NSDHL: variants seen among roughly 807,000 people sequenced by gnomAD.
NSDHL encodes the protein NAD(P) dependent 3-beta-hydroxysteroid dehydrogenase NSDHL, also known as sterol-4-alpha-carboxylate 3-dehydrogenase, decarboxylating.
A neutral mutation model predicts 23.0 loss-of-function variants in NSDHL; 1 was observed. The observed-to-expected ratio is 0.04, with a 90% confidence interval of 0.02 to 0.21. The LOEUF (loss-of-function observed/expected upper bound fraction) is 0.21, where lower values mean the gene tolerates loss of function less well. NSDHL is among the 10% of genes least tolerant of loss of function. The probability of loss-of-function intolerance (pLI) is 1.00; values close to 1 mark genes in which losing one functional copy is unlikely to be tolerated. For synonymous variants in NSDHL, 128 were observed against 121.1 expected (o/e 1.06, Z -0.37); for missense variants, 237 against 300.9 (o/e 0.79, Z 1.57).
At position 152,869,090 on chromosome X, in the gene NSDHL, T is replaced by C; in HGVS notation, c.1096T>C (p.Phe366Leu). ...TGCTATGGAGAGGACCGTGCAGAGC[T>C]TTCGCCACCTGCGGAGGGTCAAGTG... ...DDAMERTVQS[F>L]RHLRRVK Residue 366 changes from phenylalanine (F) to leucine (L), a missense_variant, in exon 8 of 8, where the codon TTT (phenylalanine) becomes CTT (leucine). By Grantham distance (22) the Phe-to-Leu change is conservative. Around this residue, in one of 3 missense-constraint regions of NSDHL, gnomAD observed 117 missense variants for 99.5 expected, o/e 1.18. Transcript: ENST00000370274. The C allele has an allele frequency of 8.3e-7, 1 of 1,211,243 alleles. No homozygotes were observed. Among genetic ancestry groups the C allele is most frequent in the South Asian group, 1.8e-5 (1 of 56,981 alleles).
chrX:152,852,224 G>A (rs781788267), intron 3 of NSDHL, among the ~76,000 whole-genome samples: 1 of 111,632 alleles, frequency 9.0e-6, no homozygotes, highest in South Asian at 3.8e-4. Flanking sequence ...AGGGCAAGGA[G>A]AGAGATGGGT....
chrX:152,853,674 C>T (rs983613909), intron 3 of NSDHL, among the ~76,000 whole-genome samples: 19 of 112,500 alleles, frequency 1.7e-4, no homozygotes, highest in African/African-American at 6.2e-4. Flanking sequence ...TCCTCCCACA[C>T]CCGCCTCATG....
Position 152,858,882 on chromosome X carries a change from A to G in NSDHL, c.380A>G (p.Asn127Ser), listed in dbSNP as rs1029912895. Reference protein sequence around the residue: ...FYRVNYIGTKNVIETCKEAGV... With the variant: ...FYRVNYIGTKSVIETCKEAGV... ...AGAGTGAATTACATTGGCACCAAGA[A>G]TGTCATTGAAACTTGCAAAGAGGCT... The change falls in exon 4 of 8, where the codon AAT becomes AGT. Residue 127 changes from asparagine (N) to serine (S), a missense_variant. Around this residue, in one of 3 missense-constraint regions of NSDHL, gnomAD observed 81 missense variants for 103.3 expected, o/e 0.78. Coordinates refer to ENST00000370274, the MANE Select transcript of NSDHL (RefSeq NM_015922.3). 8.3e-7 allele frequency: 1 copy of G among 1,208,265 alleles called. No homozygotes were observed. The highest frequency in any genetic ancestry group is 1.1e-6 in the Non-Finnish European group (1 of 892,325).
intron 5 of NSDHL, 100 bp from the exon 6 acceptor site, chrX:152,865,719 T>G: frequency 2.9e-6 from 3 of 1,037,373 alleles, no homozygotes; most frequent in Non-Finnish European, 4.0e-6. Context: ...GTGTCATCTG[T>G]CTGTCCCCCA....
At chrX:152,847,209 A>G (rs1324557675) in intron 2 of NSDHL, among the ~76,000 whole-genome samples, 1 of 112,036 alleles carries the variant, frequency 8.9e-6, no homozygotes, top group Non-Finnish European at 1.9e-5. Context: ...AGGCTGAGGC[A>G]GGAGAATCAC....
At chrX:152,852,811 C>G (rs966832224) in intron 3 of NSDHL, among the ~76,000 whole-genome samples, 15 of 110,714 alleles carry the variant, frequency 1.4e-4, no homozygotes, top group African/African-American at 4.6e-4. Context: ...CCTACCCAGT[C>G]ACTGCCACCA....
At chrX:152,860,638 C>A (rs1387795873) in intron 4 of NSDHL, among the ~76,000 whole-genome samples, 1 of 110,689 alleles carries the variant, frequency 9.0e-6, no homozygotes, top group Admixed American at 9.7e-5. Context: ...CGCTTGAGCC[C>A]AGGATTTTCA....
intron 1 of NSDHL, among the ~76,000 whole-genome samples, chrX:152,836,249 G>T (rs1374803904): frequency 8.9e-6 from 1 of 112,005 alleles, no homozygotes; most frequent in Non-Finnish European, 1.9e-5. Context: ...CCATCCTGTA[G>T]GTTGCCTGTT....
At chrX:152,862,864 T>C in intron 5 of NSDHL, 140 bp downstream of exon 5, 1 of 659,232 alleles carries the variant, frequency 1.5e-6, no homozygotes, top group Non-Finnish European at 2.4e-6. Context: ...AAATTAAATT[T>C]AAAAATACTG....
At chrX:152,866,712 C>G (rs1482691104) in intron 6 of NSDHL, among the ~76,000 whole-genome samples, 1 of 112,295 alleles carries the variant, frequency 8.9e-6, no homozygotes, top group East Asian at 2.8e-4. Context: ...CCAAATTTCC[C>G]TCTTATAAGG....
rs184194505 is a variant in NSDHL, at chrX:152,850,553, A to G, written c.267+130A>G. The G allele has an allele frequency of 9.2e-3, 5,785 of 630,264 alleles. 24 individuals carry two copies. The highest frequency in any genetic ancestry group is 0.012 in the Non-Finnish European group (4,663 of 376,360). 51.9% of individuals were successfully genotyped at this position (630,264 alleles called of 1,213,427 possible). Reference sequence around the variant, plus strand: ...TCATTGTGAAAATTTTCAAAGTTATAGGAAAGAACACCACATTCTTACTGC... The same window carrying G: ...TCATTGTGAAAATTTTCAAAGTTATGGGAAAGAACACCACATTCTTACTGC... On this transcript the variant is annotated intron_variant, in intron 3 of 7. Transcript: ENST00000370274.
chrX:152,846,647 C>T (rs1379824979), intron 2 of NSDHL, among the ~76,000 whole-genome samples: 2 of 112,539 alleles, frequency 1.8e-5, no homozygotes, highest in Non-Finnish European at 3.7e-5. Context: ...ACTGTGGTTT[C>T]GGCTGAGCCC....
At chrX:152,840,619 G>C (rs1556844744) in intron 1 of NSDHL, among the ~76,000 whole-genome samples, 1 of 112,159 alleles carries the variant, frequency 8.9e-6, no homozygotes, top group African/African-American at 3.2e-5. Context: ...TGTTTCCCTG[G>C]GTATCACCAA....
At position 152,868,900 on chromosome X, in the gene NSDHL, C is replaced by T. The variant is rs587784226; in HGVS notation, c.906C>T (p.Tyr302=). The T allele has an allele frequency of 3.3e-6, 4 of 1,210,343 alleles. No homozygotes were observed. The highest frequency in any genetic ancestry group is 2.2e-5 in the Admixed American group (1 of 45,882). The change falls in exon 8 of 8, where the codon TAC becomes TAT. Residue 302 remains tyrosine, a synonymous_variant. Coordinates refer to ENST00000370274, the MANE Select transcript of NSDHL (RefSeq NM_015922.3). Reference sequence around the variant, plus strand: ...ACATCCCCTACTGGGTGGCCTACTACCTGGCCCTCCTGCTATCCCTGCTGG... The same window carrying T: ...ACATCCCCTACTGGGTGGCCTACTATCTGGCCCTCCTGCTATCCCTGCTGG... ...KYHIPYWVAY[Y]LALLLSLLVM...
chrX:152,836,375 C>T (rs1310979372), intron 1 of NSDHL, among the ~76,000 whole-genome samples: 1 of 111,921 alleles, frequency 8.9e-6, no homozygotes, highest in Non-Finnish European at 1.9e-5. Context: ...GAAGTCCTTG[C>T]CCATGCCTAT....
chrX:152,868,413 G>A (rs782181251), intron 7 of NSDHL, among the ~76,000 whole-genome samples: 2 of 112,060 alleles, frequency 1.8e-5, no homozygotes, highest in South Asian at 3.7e-4. Flanking sequence ...GGTGACAGGC[G>A]TGAGCCACCG....
intron 6 of NSDHL, among the ~76,000 whole-genome samples, chrX:152,867,295 C>A (rs1353355443): frequency 1.8e-5 from 2 of 112,164 alleles, no homozygotes; most frequent in Non-Finnish European, 3.8e-5. Context: ...CTACCCAAAT[C>A]GGGACAGGAG....
At chrX:152,838,865 G>A (rs1386547512) in intron 1 of NSDHL, among the ~76,000 whole-genome samples, 1 of 111,689 alleles carries the variant, frequency 9.0e-6, no homozygotes, top group Non-Finnish European at 1.9e-5. Flanking sequence ...TTAACCTTCT[G>A]TCTTGTTGAT....
intron 4 of NSDHL, among the ~76,000 whole-genome samples, chrX:152,859,262 G>A (rs1469231737): frequency 1.8e-5 from 2 of 111,701 alleles, no homozygotes; most frequent in Admixed American, 9.5e-5. Flanking sequence ...TTTTAAGTGC[G>A]GAGTTCAGTG....
Sources: gnomAD v4.1 joint callset for allele counts (sites outside exome capture counted in the v4.1 genomes callset) on GRCh38, gnomAD v4.1.1 for gene constraint, gnomAD v4.1.1 regional missense constraint, MANE v1.5 for transcripts, NCBI Gene and HGNC (gene_info 2026-07-23, HGNC 2026-07-21) for gene names.